CSMD3: variants seen among roughly 807,000 people sequenced by gnomAD.
CSMD3 encodes CUB and sushi domain-containing protein 3.
A neutral mutation model predicts 435.2 loss-of-function variants in CSMD3; 177 were observed. The ratio of observed to expected loss-of-function variants is 0.41; its 90% CI spans 0.36 to 0.46. The LOEUF (loss-of-function observed/expected upper bound fraction) is 0.46, where lower values mean the gene tolerates loss of function less well. Ranked by LOEUF, CSMD3 falls within the 20% of genes least tolerant of loss-of-function variation. CSMD3 has a pLI of 0.34. For synonymous variants in CSMD3, 1,656 were observed against 1,520.5 expected, an observed-to-expected ratio of 1.09 and a Z score of -2.07; for missense variants, 4,265 against 4,504.6, an observed-to-expected ratio of 0.95 and a Z score of 1.52.
chr8:112,502,982 T>A (rs2130910360), intron 30 of CSMD3, among the ~76,000 whole-genome samples: 1 of 152,312 alleles, frequency 6.6e-6, no homozygotes, highest in African/African-American at 2.4e-5. Context: ...TTTATAAATA[T>A]CCACAGGCAT....
chr8:113,390,901 G>GC (rs1395598392), intron 1 of CSMD3, among the ~76,000 whole-genome samples: 2 of 151,874 alleles, frequency 1.3e-5, no homozygotes, highest in African/African-American at 4.8e-5. Flanking sequence ...GAAGAAATCA[G>GC]CTTATGCCTG....
chr8:113,015,775 C>T (rs1437325112), intron 6 of CSMD3, among the ~76,000 whole-genome samples: 1 of 151,600 alleles, frequency 6.6e-6, no homozygotes, highest in Non-Finnish European at 1.5e-5. Context: ...AACTCCCCTT[C>T]CAATTTAAAA....
chr8:113,223,058 A>G (rs2092988291), intron 3 of CSMD3, among the ~76,000 whole-genome samples: 1 of 150,686 alleles, frequency 6.6e-6, no homozygotes, highest in Admixed American at 6.7e-5. Flanking sequence ...ATTAAATATT[A>G]TTTATTTATT....
intron 30 of CSMD3, among the ~76,000 whole-genome samples, chr8:112,502,398 G>A (rs906185476): frequency 3.9e-5 from 6 of 152,142 alleles, no homozygotes; most frequent in Non-Finnish European, 8.8e-5. Context: ...GACTTACGGA[G>A]GGATCAAGCT....
At chr8:112,880,018 A>G (rs1302663936) in intron 10 of CSMD3, among the ~76,000 whole-genome samples, 2 of 152,078 alleles carry the variant, frequency 1.3e-5, no homozygotes, top group Non-Finnish European at 2.9e-5. Flanking sequence ...GTGTATTCCT[A>G]TGTAACAAAC....
At chr8:112,757,942 G>A (rs1022712049) in intron 13 of CSMD3, among the ~76,000 whole-genome samples, 3 of 152,070 alleles carry the variant, frequency 2.0e-5, no homozygotes, top group Non-Finnish European at 4.4e-5. Flanking sequence ...TGTGGTCCCA[G>A]CTACTCAGGG....
chr8:113,423,394 C>T (rs2094618852), intron 1 of CSMD3, among the ~76,000 whole-genome samples: 1 of 152,002 alleles, frequency 6.6e-6, no homozygotes, highest in South Asian at 2.1e-4. Flanking sequence ...AACAAGCTGA[C>T]TTGACAGCCT....
At chr8:113,384,730 A>G (rs926852696) in intron 1 of CSMD3, among the ~76,000 whole-genome samples, 3 of 152,194 alleles carry the variant, frequency 2.0e-5, no homozygotes, top group African/African-American at 7.2e-5. Context: ...CTTCACTGCC[A>G]GTAAAAACAA....
chr8:113,259,779 A>T (rs1436754895), intron 3 of CSMD3, among the ~76,000 whole-genome samples: 1 of 152,146 alleles, frequency 6.6e-6, no homozygotes, highest in Admixed American at 6.6e-5. Flanking sequence ...GAGGAAGAAT[A>T]ATGTGAGAAT....
intron 9 of CSMD3, among the ~76,000 whole-genome samples, chr8:112,933,787 G>A (rs1587705763): frequency 1.3e-5 from 2 of 152,052 alleles, no homozygotes; most frequent in East Asian, 3.9e-4. Flanking sequence ...AAAAGCCTGA[G>A]CTAGTGAGGG....
chr8:112,362,567 G>A, intron 38 of CSMD3, among the ~76,000 whole-genome samples: 1 of 151,970 alleles, frequency 6.6e-6, no homozygotes, highest in East Asian at 1.9e-4. Context: ...AGCTGTTGGT[G>A]AGTACCTATT....
chr8:112,705,520 T>C (rs978894137), intron 13 of CSMD3, among the ~76,000 whole-genome samples: 1 of 152,076 alleles, frequency 6.6e-6, no homozygotes, highest in African/African-American at 2.4e-5. Flanking sequence ...TTAAAATTTT[T>C]ATAAAATTTA....
rs546677554 is a variant in CSMD3, at chr8:112,380,239, G to A, written c.6136+113C>T. On this transcript the variant is annotated intron_variant, in intron 38 of 70. Transcript: ENST00000297405. Reference sequence around the variant, plus strand: ...ATAGTTCAAACTTTCAAGAAAATAAGACAATGTTTTCTTTGAGAAAGTTGC... The same window carrying A: ...ATAGTTCAAACTTTCAAGAAAATAAAACAATGTTTTCTTTGAGAAAGTTGC... The A allele has an allele frequency of 1.1e-4, 63 of 597,802 alleles. 1 individual carries two copies. In the South Asian group the frequency reaches 1.2e-3, roughly 11 times the overall value. 37.0% of individuals were successfully genotyped at this position (597,802 alleles called of 1,614,324 possible).
chr8:113,214,166 G>C (rs2092873087), intron 3 of CSMD3, among the ~76,000 whole-genome samples: 1 of 151,780 alleles, frequency 6.6e-6, no homozygotes, highest in Non-Finnish European at 1.5e-5. Context: ...TATTCTTGGG[G>C]GATTCTTTTC....
At chr8:113,389,984 C>A (rs2094454845) in intron 1 of CSMD3, among the ~76,000 whole-genome samples, 1 of 151,684 alleles carries the variant, frequency 6.6e-6, no homozygotes, top group East Asian at 1.9e-4. Context: ...TTTTCTGTTT[C>A]ATTTTCTTTA....
intron 38 of CSMD3, among the ~76,000 whole-genome samples, chr8:112,372,324 A>G (rs1303424497): frequency 6.6e-6 from 1 of 152,188 alleles, no homozygotes; most frequent in Non-Finnish European, 1.5e-5. Context: ...GTGTTGGAAT[A>G]AGAGGCTAAA....
Position 112,826,170 on chromosome 8 carries a change from C to G in CSMD3, c.1859+3516G>C, listed in dbSNP as rs544967915. ...ATGGGGGATACCTCTTGAGACCAAGCCATTCAGCCTCTCTGGCTCCAGCAG... is the reference window on the plus strand; with the variant it reads ...ATGGGGGATACCTCTTGAGACCAAGGCATTCAGCCTCTCTGGCTCCAGCAG... On this transcript the variant is annotated intron_variant, in intron 12 of 70. Coordinates refer to ENST00000297405, the MANE Select transcript of CSMD3 (RefSeq NM_198123.2). Among the ~76,000 whole-genome samples the G allele has an allele frequency of 6.0e-4, 92 of 152,274 alleles. 1 individual carries two copies. In the South Asian group the frequency reaches 0.015, roughly 24 times the overall value.
intron 7 of CSMD3, among the ~76,000 whole-genome samples, chr8:112,963,403 A>G (rs1401625264): frequency 2.6e-5 from 4 of 151,964 alleles, no homozygotes; most frequent in Non-Finnish European, 2.9e-5. Flanking sequence ...CCTCTGGTAC[A>G]TGGAAATTAT....
At chr8:113,412,602 G>A (rs2094564379) in intron 1 of CSMD3, among the ~76,000 whole-genome samples, 1 of 152,060 alleles carries the variant, frequency 6.6e-6, no homozygotes, top group Non-Finnish European at 1.5e-5. Flanking sequence ...GTGCTGGGGA[G>A]GGTTATTCTT....
Sources: gnomAD v4.1 joint callset for allele counts (sites outside exome capture counted in the v4.1 genomes callset) on GRCh38, gnomAD v4.1.1 for gene constraint, MANE v1.5 for transcripts, NCBI Gene and HGNC (gene_info 2026-07-23, HGNC 2026-07-21) for gene names.